The following SMARCD1 variants were observed in gnomAD, a reference collection of about 807,000 sequenced individuals.
SMARCD1 encodes SWI/SNF-related matrix-associated actin-dependent regulator of chromatin subfamily D member 1.
Under a neutral mutation model 70.8 loss-of-function variants are expected in SMARCD1, and 16 were observed. That is an observed-to-expected ratio of 0.23 (90% confidence interval 0.15 to 0.34). The LOEUF (loss-of-function observed/expected upper bound fraction) is 0.34. SMARCD1 is among the 10% of genes least tolerant of loss of function. SMARCD1 has a pLI of 1.00. For missense variants in SMARCD1, 409 were observed against 655.5 expected, an observed-to-expected ratio of 0.62 and a Z score of 4.11; for synonymous variants, 249 against 246.0, an observed-to-expected ratio of 1.01 and a Z score of -0.11.
rs1950826555 is a variant in SMARCD1 at position 50,089,989 on chromosome 12, T to C, written c.873+4T>C. On this transcript the variant is annotated splice_donor_region_variant and intron_variant, in intron 7 of 12. Transcript: ENST00000394963. ...CCTACTGATGCTGGATTACCAGGTA[T>C]TCTGTGGTGGTGTGAGGGGGTCCAG... The C allele has an allele frequency of 6.2e-7, 1 of 1,610,632 alleles. No individual in the cohort carries two copies. Among genetic ancestry groups the C allele is most frequent in the African/African-American group, 1.3e-5 (1 of 74,846 alleles).
chr12:50,087,625 C>G (rs559296044), intron 5 of SMARCD1, 140 bp downstream of exon 5: 23 of 1,009,466 alleles, frequency 2.3e-5, no homozygotes, highest in Non-Finnish European at 3.2e-5. Context: ...GTTCCCTGCA[C>G]TGAAAGACAG....
Position 50,098,811 on chromosome 12 carries a change from C to G in SMARCD1, c.1490C>G (p.Ser497Cys), listed in dbSNP as rs557865219. Reference protein sequence around the residue: ...AQEAVCRYFYSKVQQRRQELE... With the variant: ...AQEAVCRYFYCKVQQRRQELE... ...GAGGCTGTGTGCCGATACTTCTACT[C>G]CAAGGTAAGTACATGGGGTGCACGG... The change falls in exon 12 of 13, where the codon TCC becomes TGC. Residue 497 changes from serine (S) to cysteine (C), a missense_variant. By Grantham distance (112) the Ser-to-Cys change is moderately radical (BLOSUM62 -1). This residue lies in a region of SMARCD1 where 269 missense variants were observed against 498.6 expected (regional missense o/e 0.54). Transcript: ENST00000394963. The G allele has an allele frequency of 1.3e-5, 21 of 1,613,782 alleles. No homozygotes were observed. The African/African-American group carries it at 2.5e-4, about 19-fold the overall frequency.
chr12:50,085,517 C>G lies in SMARCD1; in HGVS notation c.148C>G (p.Arg50Gly), dbSNP rs954124678. Residue 50 changes from arginine to glycine, a missense_variant, in exon 1 of 13, where the codon CGC becomes GGC. Transcript: ENST00000394963. ...MGPAPGQGLY[R>G]SPMPGAAYPR... Reference sequence around the variant, plus strand: ...CCCGGCTCCGGGTCAAGGGCTGTACCGCTCCCCGATGCCCGGAGCGGCCTA... The same window carrying G: ...CCCGGCTCCGGGTCAAGGGCTGTACGGCTCCCCGATGCCCGGAGCGGCCTA... The G allele has an allele frequency of 5.7e-6, 7 of 1,236,760 alleles. No individual in the cohort carries two copies. The Admixed American group carries it at 2.1e-4, about 36-fold the overall frequency. 76.6% of individuals were successfully genotyped at this position (1,236,760 alleles called of 1,614,324 possible).
rs772682501 is a variant in SMARCD1, at chr12:50,099,037, C to G, written c.*37C>G. 19 of 1,601,744 alleles carry G rather than the reference C, an allele frequency of 1.2e-5. No homozygotes were observed. In the African/African-American group the frequency reaches 2.3e-4, roughly 19 times the overall value. On this transcript the variant is annotated 3_prime_UTR_variant, in exon 13 of 13. Coordinates refer to ENST00000394963, the MANE Select transcript of SMARCD1 (RefSeq NM_003076.5). ...CAGCCCTGATTCGACTGCACCAATT[C>G]TTGATTTGGGCCCTGTGCTGCCTGC...
intron 7 of SMARCD1, 48 bp downstream of exon 7, chr12:50,090,033 G>T: frequency 6.8e-7 from 1 of 1,479,436 alleles, no homozygotes; most frequent in Non-Finnish European, 9.5e-7. Context: ...GCCACATACC[G>T]TCAGCAGTCT....
chr12:50,088,431 ATTG>A (rs1188573998), intron 5 of SMARCD1, 87 bp from the exon 6 acceptor site: 1 of 743,882 alleles, frequency 1.3e-6, no homozygotes, highest in Non-Finnish European at 2.3e-6. Context: ...GTTTTTTTCC[ATTG>A]TTGTTGGGGT....
At position 50,086,504 on chromosome 12, in the gene SMARCD1, T is replaced by TGGTGGTGGTGGTGGTGGTGG; in HGVS notation, c.366-117_366-116insGGTGGTGGTGGTGGTGGTGG. ...TTGGTGGTGGTGGTGGTGGTGGTAGTTCTTTGAGAGAAGCTTTGCAGTCCC... is the reference window on the plus strand; with the variant it reads ...TTGGTGGTGGTGGTGGTGGTGGTAGTGGTGGTGGTGGTGGTGGTGGTCTTTGAGAGAAGCTTTGCAGTCCC... On this transcript the variant is annotated intron_variant, in intron 2 of 12. Coordinates refer to ENST00000394963, the MANE Select transcript of SMARCD1 (RefSeq NM_003076.5). 3.2e-6 allele frequency: 4 copies of TGGTGGTGGTGGTGGTGGTGG among 1,231,650 alleles called. No homozygotes were observed. In the African/African-American group the frequency reaches 4.5e-5, roughly 14 times the overall value. 76.3% of individuals were successfully genotyped at this position (1,231,650 alleles called of 1,614,324 possible). A position where few individuals can be genotyped will look rare whatever the true frequency, so the allele number is the denominator to read the frequency against.
In SMARCD1 at chr12:50,090,107, A is replaced by T. The variant is rs1447811583; in HGVS notation, c.873+122A>T. On this transcript the variant is annotated intron_variant, in intron 7 of 12. Coordinates refer to ENST00000394963, the MANE Select transcript of SMARCD1 (RefSeq NM_003076.5). ...CACTTTGGCACAGAGATAGAGTCTTAGTCATCTCTGAGTTCTTCCTAGAAT... is the reference window on the plus strand; with the variant it reads ...CACTTTGGCACAGAGATAGAGTCTTTGTCATCTCTGAGTTCTTCCTAGAAT... 3 of 1,266,584 alleles carry T rather than the reference A, an allele frequency of 2.4e-6. No individual in the cohort carries two copies. In the Admixed American group the frequency reaches 5.8e-5, roughly 25 times the overall value. The allele number at this position is 1,266,584 out of a possible 1,614,324, so 78.5% of individuals were successfully genotyped here.
chr12:50,091,196 T>C (rs1950840417), intron 9 of SMARCD1, among the ~76,000 whole-genome samples: 1 of 151,672 alleles, frequency 6.6e-6, no homozygotes, highest in Admixed American at 6.6e-5. Context: ...GGCGGAAATA[T>C]GATATAATGA....
intron 5 of SMARCD1, 191 bp from the exon 6 acceptor site, chr12:50,088,330 C>T (rs1485362940): frequency 2.9e-6 from 2 of 698,628 alleles, no homozygotes; most frequent in South Asian, 1.5e-5. Flanking sequence ...GCTGCTTCTT[C>T]AGGGTTCTGT....
intron 4 of SMARCD1, 109 bp from the exon 5 acceptor site, chr12:50,087,254 T>A: frequency 7.5e-7 from 1 of 1,327,688 alleles, no homozygotes. Context: ...AGGGACTGGG[T>A]AGACAGTAAG....
intron 9 of SMARCD1, among the ~76,000 whole-genome samples, chr12:50,092,707 T>A (rs1168685500): frequency 2.0e-5 from 3 of 152,080 alleles, no homozygotes; most frequent in Non-Finnish European, 2.9e-5. Flanking sequence ...ACTTTTAATT[T>A]TGTGTTTGAC....
At chr12:50,087,566 C>G in intron 5 of SMARCD1, 81 bp downstream of exon 5, 1 of 1,510,524 alleles carries the variant, frequency 6.6e-7, no homozygotes, top group Non-Finnish European at 9.0e-7. Flanking sequence ...AGCAGGAAGC[C>G]TAACTGGTGC....
rs1950829755 is a variant in SMARCD1 at position 50,090,299 on chromosome 12, C to A, written c.932C>A (p.Thr311Asn). 6.2e-7 allele frequency: 1 copy of A among 1,614,174 alleles called. No individual in the cohort carries two copies. The highest frequency in any genetic ancestry group is 1.3e-5 in the African/African-American group (1 of 75,052). ...CGACTCCTGGGCATCCATACCCAGA[C>A]TCGTCCAGTGATCATCCAAGCACTG... Reference protein sequence around the residue: ...LARLLGIHTQTRPVIIQALWQ... With the variant: ...LARLLGIHTQNRPVIIQALWQ... The change falls in exon 8 of 13, where the codon ACT becomes AAT. Residue 311 changes from threonine (T) to asparagine (N), a missense_variant. Transcript: ENST00000394963.
chr12:50,090,730 TA>T, intron 9 of SMARCD1, 140 bp downstream of exon 9: 1 of 547,136 alleles, frequency 1.8e-6, no homozygotes, highest in South Asian at 2.5e-5. Flanking sequence ...TTAAATTACA[TA>T]AACTTATAAT....
intron 9 of SMARCD1, among the ~76,000 whole-genome samples, chr12:50,090,970 A>G (rs1950837961): frequency 6.6e-6 from 1 of 151,584 alleles, no homozygotes; most frequent in Non-Finnish European, 1.5e-5. Context: ...GACTACAGGC[A>G]CCCGTCACCA....
In SMARCD1 at chr12:50,099,180, T is replaced by G; in HGVS notation, c.*180T>G. On this transcript the variant is annotated 3_prime_UTR_variant, in exon 13 of 13. Transcript: ENST00000394963. Reference sequence around the variant, plus strand: ...CCTGTTATCCTCTTCTTTCACCCTATCTCTTCCCACCCCCAGCTTCCCTTT... The same window carrying G: ...CCTGTTATCCTCTTCTTTCACCCTAGCTCTTCCCACCCCCAGCTTCCCTTT... The G allele has an allele frequency of 3.1e-5, 20 of 635,102 alleles. No homozygotes were observed. Among genetic ancestry groups the G allele is most frequent in the Non-Finnish European group, 5.6e-5 (20 of 357,706 alleles). 39.3% of individuals were successfully genotyped at this position (635,102 alleles called of 1,614,324 possible).
Position 50,085,532 on chromosome 12 carries a change from G to C in SMARCD1, c.163G>C (p.Gly55Arg). ...GQGLYRSPMP[G>R]AAYPRPGMLP... The stretch of plus-strand genomic sequence containing the variant: ...AGGGCTGTACCGCTCCCCGATGCCC[G>C]GAGCGGCCTATCCGGTGAGTGGGGC... The change falls in exon 1 of 13, where the codon GGA becomes CGA. Residue 55 changes from glycine to arginine, a missense_variant. By Grantham distance (125) the Gly-to-Arg change is moderately radical (BLOSUM62 -2). This residue lies in a region of SMARCD1 where 140 missense variants were observed against 156.9 expected (regional missense o/e 0.89). Transcript: ENST00000394963. 1 of 1,234,674 alleles carries C rather than the reference G, an allele frequency of 8.1e-7. No individual in the cohort carries two copies. The highest frequency in any genetic ancestry group is 1.0e-6 in the Non-Finnish European group (1 of 988,726). 76.5% of individuals were successfully genotyped at this position (1,234,674 alleles called of 1,614,324 possible).
At chr12:50,094,012 A>G (rs1045718037) in intron 9 of SMARCD1, among the ~76,000 whole-genome samples, 2 of 152,036 alleles carry the variant, frequency 1.3e-5, no homozygotes, top group African/African-American at 4.8e-5. Flanking sequence ...TGGCCTCCCA[A>G]AGTGCTGGGA....
Sources: gnomAD v4.1 joint callset for allele counts (sites outside exome capture counted in the v4.1 genomes callset) on GRCh38, gnomAD v4.1.1 for gene constraint, gnomAD v4.1.1 regional missense constraint, MANE v1.5 for transcripts, NCBI Gene and HGNC (gene_info 2026-07-23, HGNC 2026-07-21) for gene names.